PCLO: variants seen among roughly 807,000 people sequenced by gnomAD.
The protein encoded by PCLO is protein piccolo.
A neutral mutation model predicts 427.5 loss-of-function variants in PCLO; 82 were observed. The observed-to-expected ratio is 0.19, with a 90% CI of 0.16 to 0.23. PCLO has a LOEUF of 0.23. PCLO is among the 10% of genes least tolerant of loss of function. The pLI is 1.00. For missense variants in PCLO, 6,239 were observed against 6,115.9 expected (o/e 1.02, Z -0.67); for synonymous variants, 2,357 against 2,155.4 (o/e 1.09, Z -2.59).
At chr7:82,784,107 A>G (rs1790933041) in intron 22 of PCLO, among the ~76,000 whole-genome samples, 1 of 152,150 alleles carries the variant, frequency 6.6e-6, no homozygotes, top group Non-Finnish European at 1.5e-5. Context: ...TTTTCTCTTC[A>G]GAATATTCTC....
At chr7:82,789,700 G>A (rs983449605) in intron 22 of PCLO, among the ~76,000 whole-genome samples, 5 of 152,074 alleles carry the variant, frequency 3.3e-5, no homozygotes, top group Non-Finnish European at 5.9e-5. Flanking sequence ...GTGAGATTCT[G>A]TCTCAAAAAA....
At chr7:83,072,925 T>C (rs919424360) in intron 3 of PCLO, among the ~76,000 whole-genome samples, 4 of 151,986 alleles carry the variant, frequency 2.6e-5, no homozygotes, top group African/African-American at 9.7e-5. Context: ...ACCTTCAACA[T>C]CAAATCAGTT....
chr7:82,812,733 GATCA>G (rs1791598346), intron 20 of PCLO, among the ~76,000 whole-genome samples: 1 of 151,444 alleles, frequency 6.6e-6, no homozygotes, highest in Non-Finnish European at 1.5e-5. Context: ...TAGCATGGGG[GATCA>G]TATGTGAAAG....
At chr7:82,783,352 C>T (rs559846045) in intron 22 of PCLO, among the ~76,000 whole-genome samples, 20 of 152,008 alleles carry the variant, frequency 1.3e-4, no homozygotes, top group South Asian at 2.1e-4. Flanking sequence ...TGGTGGCTTA[C>T]GCCTGTAATC....
At chr7:82,880,318 T>G in intron 9 of PCLO, 1 of 340,070 alleles carries the variant, frequency 2.9e-6, no homozygotes, top group South Asian at 2.3e-5. Flanking sequence ...GAGTACACTT[T>G]AATGCATAGT....
chr7:83,140,658 T>C (rs1710922012), intron 2 of PCLO, among the ~76,000 whole-genome samples: 1 of 152,210 alleles, frequency 6.6e-6, no homozygotes, highest in Admixed American at 6.5e-5. Context: ...AGCCAATCTG[T>C]ACAGCATTCT....
intron 3 of PCLO, among the ~76,000 whole-genome samples, chr7:83,004,088 C>G (rs1434571039): frequency 1.3e-5 from 2 of 151,656 alleles, no homozygotes; most frequent in Non-Finnish European, 2.9e-5. Context: ...TAACCACATT[C>G]TCAATGATGA....
intron 3 of PCLO, among the ~76,000 whole-genome samples, chr7:83,109,240 A>C (rs1790942582): frequency 6.6e-6 from 1 of 152,162 alleles, no homozygotes; most frequent in Non-Finnish European, 1.5e-5. Flanking sequence ...ATGTGTACTA[A>C]GCAAATCCTG....
chr7:83,032,151 TCAAA>T (rs1339748662), intron 3 of PCLO, among the ~76,000 whole-genome samples: 1 of 152,184 alleles, frequency 6.6e-6, no homozygotes, highest in East Asian at 1.9e-4. Context: ...CCTTTGCCTA[TCAAA>T]CACTCAGTCC....
rs781336232 is a variant in PCLO at position 82,956,584 on chromosome 7, C to T, written c.4369G>A (p.Glu1457Lys). The change falls in exon 5 of 25, where the codon GAA becomes AAA. Residue 1457 changes from glutamate to lysine, a missense_variant. Around this residue, in one of 5 missense-constraint regions of PCLO, gnomAD observed 4,677 missense variants for 4,468.4 expected, o/e 1.05. Transcript: ENST00000333891. ...TCTGAAATAGTAATTTCCAAGGTTT[C>T]AGATAAACTCTGAGTTTTCTCTTGG... Reference protein sequence around the residue: ...KDQEKTQSLSETLEITISEEE... With the variant: ...KDQEKTQSLSKTLEITISEEE... 3 of 1,613,186 alleles carry T rather than the reference C, an allele frequency of 1.9e-6. No homozygotes were observed. The highest frequency in any genetic ancestry group is 3.3e-5 in the Admixed American group (2 of 59,870).
chr7:82,848,463 A>G (rs1443564211), intron 10 of PCLO, among the ~76,000 whole-genome samples: 1 of 151,756 alleles, frequency 6.6e-6, no homozygotes, highest in Non-Finnish European at 1.5e-5. Context: ...GGTGTGCGCC[A>G]CCACGCCTGG....
At chr7:82,829,368 CT>C (rs939700659) in intron 16 of PCLO, among the ~76,000 whole-genome samples, 10 of 152,088 alleles carry the variant, frequency 6.6e-5, no homozygotes, top group African/African-American at 2.4e-4. Flanking sequence ...TGGGATGAGG[CT>C]TGAGTATTAG....
intron 3 of PCLO, among the ~76,000 whole-genome samples, chr7:83,092,322 C>T (rs1790397859): frequency 6.6e-6 from 1 of 152,150 alleles, no homozygotes; most frequent in Non-Finnish European, 1.5e-5. Context: ...AATAAAACAC[C>T]TTAAGCCATT....
chr7:82,933,421 T>C (rs370618934), intron 6 of PCLO, among the ~76,000 whole-genome samples: 6 of 152,058 alleles, frequency 3.9e-5, no homozygotes, highest in East Asian at 1.9e-4. Context: ...TCAGAAAAAA[T>C]AGGAATTTGA....
At chr7:82,861,105 T>C (rs1792944175) in intron 10 of PCLO, among the ~76,000 whole-genome samples, 1 of 151,972 alleles carries the variant, frequency 6.6e-6, no homozygotes, top group South Asian at 2.1e-4. Context: ...CTCTAACTTA[T>C]CAGTAATAAC....
At chr7:83,070,899 T>C (rs1789798711) in intron 3 of PCLO, among the ~76,000 whole-genome samples, 2 of 152,206 alleles carry the variant, frequency 1.3e-5, no homozygotes, top group African/African-American at 4.8e-5. Context: ...ACTTCTTTAA[T>C]AAAGTCTAAT....
rs757011872 is a variant in PCLO at position 83,162,608 on chromosome 7, G to A, written c.-16C>T. 3.9e-6 allele frequency: 6 copies of A among 1,521,766 alleles called. No homozygotes were observed. Among genetic ancestry groups the A allele is most frequent in the African/African-American group, 1.4e-5 (1 of 72,434 alleles). The allele number at this position is 1,521,766 out of a possible 1,614,324, so 94.3% of individuals were successfully genotyped here. A position where few individuals can be genotyped will look rare whatever the true frequency, so the allele number is the denominator to read the frequency against. ...CGTTGCCCATGGCTCAGGGAGACTC[G>A]GGGCCGCCGCGCTCCCTCCTCGCGC... On this transcript the variant is annotated 5_prime_UTR_variant, in exon 1 of 25. Transcript: ENST00000333891.
intron 3 of PCLO, among the ~76,000 whole-genome samples, chr7:83,059,574 T>C (rs1421287303): frequency 2.0e-5 from 3 of 151,222 alleles, no homozygotes; most frequent in Non-Finnish European, 4.4e-5. Flanking sequence ...AAGCCTAAAA[T>C]ACAGTCATGA....
chr7:83,057,287 C>A (rs2116293510), intron 3 of PCLO, among the ~76,000 whole-genome samples: 1 of 116,694 alleles, frequency 8.6e-6, no homozygotes, highest in South Asian at 3.0e-4. Flanking sequence ...CTCAAATGAT[C>A]CATCTGAAGG....
Sources: allele counts gnomAD v4.1 joint callset (sites outside exome capture counted in the v4.1 genomes callset), GRCh38; gene constraint gnomAD v4.1.1; regional missense constraint gnomAD v4.1.1; transcripts MANE v1.5; gene names NCBI Gene and HGNC (gene_info 2026-07-23, HGNC 2026-07-21).